Variants in IL7 observed in about 807,000 individuals in gnomAD.
IL7 encodes interleukin 7.
IL7 carries 3 observed loss-of-function variants against 21.6 expected under a neutral mutation model. The ratio of observed to expected loss-of-function variants is 0.14; its 90% confidence interval spans 0.06 to 0.36. The LOEUF is 0.36. Ranked by LOEUF, IL7 falls within the 10% of genes least tolerant of loss-of-function variation. IL7 has a pLI of 1.00. For missense variants in IL7, 175 were observed against 200.2 expected, an observed-to-expected ratio of 0.87 and a Z score of 0.76; for synonymous variants, 62 against 68.1, an observed-to-expected ratio of 0.91 and a Z score of 0.44.
intron 2 of IL7, among the ~76,000 whole-genome samples, 197 bp from the exon 3 acceptor site, chr8:78,740,279 C>T (rs984705226): frequency 1.3e-5 from 2 of 152,094 alleles, no homozygotes; most frequent in Non-Finnish European, 2.9e-5. Flanking sequence ...ATACACAAAT[C>T]CTCCCATATT....
intron 4 of IL7, chr8:78,678,627 G>A (rs776875828): frequency 4.3e-6 from 7 of 1,612,750 alleles, no homozygotes; most frequent in Non-Finnish European, 5.9e-6. Context: ...GATTCAAGCA[G>A]ACAGAGAGCT....
intron 2 of IL7, among the ~76,000 whole-genome samples, chr8:78,750,442 C>G (rs1812128697): frequency 6.6e-6 from 1 of 151,868 alleles, no homozygotes; most frequent in Non-Finnish European, 1.5e-5. Flanking sequence ...AGGCAAAACA[C>G]ACAGTTTGAA....
At chr8:78,701,391 G>A (rs1328087076) in intron 3 of IL7, among the ~76,000 whole-genome samples, 2 of 152,144 alleles carry the variant, frequency 1.3e-5, no homozygotes, top group African/African-American at 4.8e-5. Context: ...AGAAGCTTTT[G>A]GGCTGATATA....
At chr8:78,763,359 G>T (rs930460595) in intron 2 of IL7, among the ~76,000 whole-genome samples, 7 of 152,186 alleles carry the variant, frequency 4.6e-5, no homozygotes, top group African/African-American at 1.4e-4. Flanking sequence ...GTGATAAAAG[G>T]TTAGGAGGGA....
chr8:78,803,168 CTAT>C (rs1031444746), intron 1 of IL7, among the ~76,000 whole-genome samples: 2 of 152,024 alleles, frequency 1.3e-5, no homozygotes, highest in African/African-American at 4.8e-5. Context: ...TATTAGTTCT[CTAT>C]TATTATTTTT....
chr8:78,737,013 T>A (rs1811615826), intron 4 of IL7, among the ~76,000 whole-genome samples: 2 of 152,126 alleles, frequency 1.3e-5, no homozygotes, highest in African/African-American at 4.8e-5. Context: ...ACATCTTGCC[T>A]TGTTATTTCA....
At chr8:78,720,713 G>A (rs1362674504) in intron 5 of IL7, among the ~76,000 whole-genome samples, 1 of 151,824 alleles carries the variant, frequency 6.6e-6, no homozygotes, top group Admixed American at 6.6e-5. Flanking sequence ...TGCAGTAATT[G>A]ATAGAGATAT....
At chr8:78,749,401 TA>T (rs956555697) in intron 2 of IL7, among the ~76,000 whole-genome samples, 4 of 150,302 alleles carry the variant, frequency 2.7e-5, no homozygotes, top group Non-Finnish European at 4.4e-5. Flanking sequence ...CTAAACCCAT[TA>T]AAAAAAAATC....
At chr8:78,738,706 A>G (rs533427965) in intron 3 of IL7, 71 bp from the exon 4 acceptor site, 2 of 1,446,830 alleles carry the variant, frequency 1.4e-6, no homozygotes, top group Admixed American at 1.9e-5. Flanking sequence ...TTTCTTAAGG[A>G]GCCTAGAGCT....
At chr8:78,778,473 T>A (rs1813205465) in intron 2 of IL7, among the ~76,000 whole-genome samples, 1 of 152,156 alleles carries the variant, frequency 6.6e-6, no homozygotes, top group Admixed American at 6.6e-5. Context: ...TAATGGAATA[T>A]TAAGGAAACA....
At chr8:78,773,811 A>C (rs1333034385) in intron 2 of IL7, among the ~76,000 whole-genome samples, 1 of 152,112 alleles carries the variant, frequency 6.6e-6, no homozygotes, top group East Asian at 1.9e-4. Context: ...GAAGCCAATT[A>C]GGTAGAGGGT....
chr8:78,710,020 C>G (rs1338142303), intron 3 of IL7, among the ~76,000 whole-genome samples: 1 of 152,170 alleles, frequency 6.6e-6, no homozygotes, highest in Non-Finnish European at 1.5e-5. Context: ...AATTCACTCT[C>G]CTGGTATCAA....
intron 4 of IL7, among the ~76,000 whole-genome samples, chr8:78,679,778 T>C (rs551739230): frequency 1.3e-5 from 2 of 152,318 alleles, no homozygotes; most frequent in Admixed American, 6.5e-5. Context: ...ATCTTACTAA[T>C]AAAAAATCAT....
chr8:78,743,204 G>A (rs767111763), intron 2 of IL7, among the ~76,000 whole-genome samples: 10 of 152,142 alleles, frequency 6.6e-5, no homozygotes, highest in Non-Finnish European at 1.2e-4. Context: ...GAACATACAT[G>A]TGCATGTGTC....
At chr8:78,796,853 A>G (rs992998646) in intron 2 of IL7, among the ~76,000 whole-genome samples, 26 of 152,020 alleles carry the variant, frequency 1.7e-4, no homozygotes, top group Non-Finnish European at 4.4e-5. Context: ...GCAGTTTTGT[A>G]CAGAGCTAAA....
At chr8:78,753,618 G>A (rs1390726689) in intron 2 of IL7, among the ~76,000 whole-genome samples, 2 of 152,126 alleles carry the variant, frequency 1.3e-5, no homozygotes, top group African/African-American at 4.8e-5. Flanking sequence ...TGTTGCCATT[G>A]CTTTTGGTGT....
At chr8:78,702,392 A>G (rs1810632515) in intron 3 of IL7, among the ~76,000 whole-genome samples, 1 of 151,936 alleles carries the variant, frequency 6.6e-6, no homozygotes, top group Admixed American at 6.6e-5. Flanking sequence ...CAGCCTATAT[A>G]TTTTATCAAT....
At chr8:78,793,782 C>G (rs1042182692) in intron 2 of IL7, among the ~76,000 whole-genome samples, 4 of 152,152 alleles carry the variant, frequency 2.6e-5, no homozygotes, top group Non-Finnish European at 4.4e-5. Context: ...CACAGTAGAA[C>G]TTCTTTTAAA....
chr8:78,699,493 A>T (rs1328433941), intron 3 of IL7, among the ~76,000 whole-genome samples: 1 of 152,066 alleles, frequency 6.6e-6, no homozygotes, highest in Non-Finnish European at 1.5e-5. Flanking sequence ...AAGTTCAGGG[A>T]TACAAGTGCA....
Sources: allele counts gnomAD v4.1 joint callset (sites outside exome capture counted in the v4.1 genomes callset), GRCh38; gene constraint gnomAD v4.1.1; transcripts MANE v1.5; gene names NCBI Gene and HGNC (gene_info 2026-07-23, HGNC 2026-07-21).